The following PANK2 variants were observed in gnomAD, a reference collection of about 807,000 sequenced individuals.
PANK2 encodes pantothenate kinase 2, mitochondrial.
PANK2 carries 36 observed loss-of-function variants against 43.1 expected under a neutral mutation model. The observed-to-expected ratio is 0.84, with a 90% CI of 0.64 to 1.10. PANK2 has a LOEUF of 1.10. Among genes scored for constraint, PANK2 ranks in the 50% least tolerant of loss-of-function variants. The pLI is 0.00. For synonymous variants in PANK2, 281 were observed against 238.2 expected, an observed-to-expected ratio of 1.18 and a Z score of -1.66; for missense variants, 576 against 593.3, an observed-to-expected ratio of 0.97 and a Z score of 0.30.
intron 4 of PANK2, among the ~76,000 whole-genome samples, chr20:3,914,035 C>CT (rs2090518810): frequency 6.6e-6 from 1 of 151,880 alleles, no homozygotes; most frequent in Admixed American, 6.6e-5. Flanking sequence ...ATGATCCGCC[C>CT]GCCTTGGCCT....
chr20:3,903,456 T>C (rs1464770572), intron 1 of PANK2, among the ~76,000 whole-genome samples: 4 of 149,130 alleles, frequency 2.7e-5, no homozygotes, highest in Admixed American at 2.0e-4. Flanking sequence ...CTTTTTTTTT[T>C]CTTCTTTTCC....
chr20:3,901,473 C>A (rs1177186040), intron 1 of PANK2: 2 of 347,848 alleles, frequency 5.7e-6, no homozygotes, highest in Non-Finnish European at 8.1e-6. Flanking sequence ...TAAATTTTGA[C>A]ACATTTAAAC....
In PANK2 at chr20:3,923,389, C is replaced by A; in HGVS notation, c.*95C>A. On this transcript the variant is annotated 3_prime_UTR_variant, in exon 7 of 7. Transcript: ENST00000610179. ...CTTACTCAATTTCATGACTGTACTA[C>A]CTGAAACAAAGTGAGAAAGGACAGG... 1 of 1,286,810 alleles carries A rather than the reference C, an allele frequency of 7.8e-7. No individual in the cohort carries two copies. The highest frequency in any genetic ancestry group is 1.1e-6 in the Non-Finnish European group (1 of 884,880). 79.7% of individuals were successfully genotyped at this position (1,286,810 alleles called of 1,614,324 possible).
intron 1 of PANK2, among the ~76,000 whole-genome samples, chr20:3,905,507 C>T (rs1195579595): frequency 6.6e-6 from 1 of 151,434 alleles, no homozygotes; most frequent in Non-Finnish European, 1.5e-5. Context: ...CCACCACGCC[C>T]GGCTAATTTT....
intron 4 of PANK2, among the ~76,000 whole-genome samples, chr20:3,914,530 C>G (rs766227407): frequency 6.6e-6 from 1 of 151,748 alleles, no homozygotes; most frequent in Non-Finnish European, 1.5e-5. Context: ...CTGTCCTGGC[C>G]TCAAGTGATC....
At chr20:3,909,091 T>C (rs1051466007) in intron 2 of PANK2, among the ~76,000 whole-genome samples, 2 of 152,168 alleles carry the variant, frequency 1.3e-5, no homozygotes, top group African/African-American at 4.8e-5. Context: ...TCTGCCTTTT[T>C]GTTTTGTTTT....
At chr20:3,898,517 A>G (rs2090247665) in intron 1 of PANK2, among the ~76,000 whole-genome samples, 1 of 152,130 alleles carries the variant, frequency 6.6e-6, no homozygotes, top group Non-Finnish European at 1.5e-5. Context: ...TGCTGAGTAT[A>G]TTTAATAAAT....
At chr20:3,906,572 TG>T (rs1485347295) in intron 1 of PANK2, among the ~76,000 whole-genome samples, 5 of 152,202 alleles carry the variant, frequency 3.3e-5, no homozygotes, top group Non-Finnish European at 5.9e-5. Flanking sequence ...TAAAGCTAGA[TG>T]ATTTAATAAT....
intron 3 of PANK2, 120 bp downstream of exon 3, chr20:3,910,950 A>C: frequency 7.9e-7 from 1 of 1,259,096 alleles, no homozygotes; most frequent in Non-Finnish European, 1.1e-6. Flanking sequence ...GGATTATGCA[A>C]ACAAATGTTT....
upstream of PANK2, chr20:3,889,173 C>T (rs1441273132): frequency 1.2e-6 from 2 of 1,606,816 alleles, no homozygotes; most frequent in Non-Finnish European, 1.7e-6. Flanking sequence ...TGGGCTACAC[C>T]GCCTTCTCTT....
intron 1 of PANK2, among the ~76,000 whole-genome samples, chr20:3,899,868 C>T (rs762735441): frequency 1.1e-4 from 16 of 151,600 alleles, no homozygotes; most frequent in East Asian, 1.9e-4. Context: ...CCACCATGCC[C>T]GGCTAATGTT....
intron 6 of PANK2, among the ~76,000 whole-genome samples, chr20:3,922,945 C>T (rs1366181608): frequency 6.6e-6 from 1 of 152,158 alleles, no homozygotes; most frequent in African/African-American, 2.4e-5. Flanking sequence ...TGTCTCTTAC[C>T]AGAGGTAACT....
intron 6 of PANK2, among the ~76,000 whole-genome samples, chr20:3,922,091 C>T (rs2090656022): frequency 6.6e-6 from 1 of 152,198 alleles, no homozygotes; most frequent in Admixed American, 6.5e-5. Context: ...CTTGAAGAAG[C>T]TTTTCGTGAA....
intron 1 of PANK2, among the ~76,000 whole-genome samples, chr20:3,897,494 A>G (rs1222357574): frequency 4.6e-5 from 7 of 151,574 alleles, no homozygotes; most frequent in African/African-American, 1.7e-4. Context: ...TGAGCTTAGG[A>G]GTTTGAGACC....
intron 1 of PANK2, among the ~76,000 whole-genome samples, chr20:3,893,944 T>G (rs1435217139): frequency 7.5e-6 from 1 of 132,574 alleles, no homozygotes; most frequent in African/African-American, 2.7e-5. Flanking sequence ...TTTTTTTTTT[T>G]TTTTTTAGAG....
chr20:3,903,829 A>G (rs537555007), intron 1 of PANK2, among the ~76,000 whole-genome samples: 3 of 151,994 alleles, frequency 2.0e-5, no homozygotes, highest in East Asian at 1.9e-4. Context: ...TGGTTTCACC[A>G]TATTGGTCAG....
At chr20:3,891,412 G>T (rs1173589195) in intron 1 of PANK2, 1 of 152,166 alleles carries the variant, frequency 6.6e-6, no homozygotes, top group Non-Finnish European at 1.5e-5. Flanking sequence ...TGGCTCTGAG[G>T]TAGGTGGTAG....
Position 3,908,211 on chromosome 20 carries a change from C to T in PANK2, c.584C>T (p.Ser195Leu), listed in dbSNP as rs1030245538. 7 of 1,613,508 alleles carry T rather than the reference C, an allele frequency of 4.3e-6. No individual in the cohort carries two copies. Among genetic ancestry groups the T allele is most frequent in the East Asian group, 2.2e-5 (1 of 44,900 alleles). ...CAAATGGGCAGAGATAAAAACTTCTCGAGTCTCCACACTGTCTTTTGTGCC... is the reference window on the plus strand; with the variant it reads ...CAAATGGGCAGAGATAAAAACTTCTTGAGTCTCCACACTGTCTTTTGTGCC... Residue 195 changes from serine to leucine, a missense_variant, in exon 2 of 7, where the codon TCG becomes TTG. By Grantham distance (145) the Ser-to-Leu change is moderately radical. This residue lies in a region of PANK2 where 544 missense variants were observed against 528.9 expected (regional missense o/e 1.03). Coordinates refer to ENST00000610179, the MANE Select transcript of PANK2 (RefSeq NM_001386393.1).
chr20:3,899,853 A>C (rs6076567), intron 1 of PANK2, among the ~76,000 whole-genome samples: 1 of 151,514 alleles, frequency 6.6e-6, no homozygotes, highest in Non-Finnish European at 1.5e-5. Context: ...GACCACAGGC[A>C]CCTGCCACCA....
Sources: allele counts gnomAD v4.1 joint callset (sites outside exome capture counted in the v4.1 genomes callset), GRCh38; gene constraint gnomAD v4.1.1; regional missense constraint gnomAD v4.1.1; transcripts MANE v1.5; gene names NCBI Gene and HGNC (gene_info 2026-07-23, HGNC 2026-07-21).